WWOX: variants seen among roughly 807,000 people sequenced by gnomAD.
WWOX encodes WW domain-containing oxidoreductase.
WWOX carries 69 observed loss-of-function variants against 46.2 expected under a neutral mutation model. That is an observed-to-expected ratio of 1.49 (90% confidence interval 1.23 to 1.82). The LOEUF is 1.82. Ranked by LOEUF, WWOX falls within the 40% of genes most tolerant of loss-of-function variation. The pLI, the probability that WWOX is intolerant of heterozygous loss-of-function variation, is 0.00. For synonymous variants in WWOX, 359 were observed against 202.6 expected (o/e 1.77, Z -6.56); for missense variants, 919 against 542.6 (o/e 1.69, Z -6.89).
At chr16:79,196,885 C>A (rs1280526343) in intron 8 of WWOX, among the ~76,000 whole-genome samples, 1 of 152,160 alleles carries the variant, frequency 6.6e-6, no homozygotes, top group African/African-American at 2.4e-5. Context: ...TGAATCCTGG[C>A]AATGCATTTC....
rs115493908 is a variant in WWOX at position 78,382,389 on chromosome 16, C to G, written c.517-4471C>G. On this transcript the variant is annotated intron_variant, in intron 5 of 8. Coordinates refer to ENST00000566780, the MANE Select transcript of WWOX (RefSeq NM_016373.4). ...GGCAGTGTTACAGACAACAGAGGCT[C>G]CATCCACCTGGTCCCTGAGTGGCCA... is the stretch of plus-strand genomic sequence containing the variant. Among the ~76,000 whole-genome samples the G allele has an allele frequency of 2.6e-3, 392 of 152,310 alleles. 2 individuals are homozygous for G. Among genetic ancestry groups the G allele is most frequent in the African/African-American group, 9.1e-3 (379 of 41,566 alleles).
chr16:78,785,067 G>T (rs1053970490), intron 8 of WWOX, among the ~76,000 whole-genome samples: 1 of 152,062 alleles, frequency 6.6e-6, no homozygotes, highest in Non-Finnish European at 1.5e-5. Context: ...CTAAAGACTT[G>T]GGCAGTCTCC....
At chr16:78,518,246 T>G (rs2043279586) in intron 8 of WWOX, among the ~76,000 whole-genome samples, 1 of 152,146 alleles carries the variant, frequency 6.6e-6, no homozygotes, top group African/African-American at 2.4e-5. Context: ...TTTGTTTGTT[T>G]TTTGAGATGG....
Position 78,969,269 on chromosome 16 carries a change from C to CTT in WWOX, c.1057-242327_1057-242326dup, listed in dbSNP as rs71384387. On this transcript the variant is annotated intron_variant, in intron 8 of 8. Transcript: ENST00000566780. ...GCCACCCTGCTCTCTCTCTCTCTCT[C>CTT]TTTTTTTTTTTTTCTTTTTGAGGAA... 2.3e-3 allele frequency among the ~76,000 whole-genome samples: 326 copies of CTT among 142,604 alleles called. 2 individuals carry two copies. The highest frequency in any genetic ancestry group is 9.6e-3 in the East Asian group (47 of 4,920). 93.6% of individuals were successfully genotyped at this position (142,604 alleles called of 152,430 possible).
intron 5 of WWOX, among the ~76,000 whole-genome samples, chr16:78,236,304 T>C (rs984762611): frequency 6.6e-6 from 1 of 152,250 alleles, no homozygotes; most frequent in African/African-American, 2.4e-5. Flanking sequence ...GCTAGTTTCC[T>C]GGCCTCCTTA....
chr16:78,121,324 G>A lies in WWOX; in HGVS notation c.409+6170G>A, dbSNP rs374014823. Among the ~76,000 whole-genome samples the A allele has an allele frequency of 3.9e-5, 6 of 152,260 alleles. No homozygotes were observed. The East Asian group carries it at 7.7e-4, about 20-fold the overall frequency. On this transcript the variant is annotated intron_variant, in intron 4 of 8. Transcript: ENST00000566780. ...CAGGTATTGTAAGTAAAATTATTTT[G>A]AAGTTACTTTGTTCTAAGAAACTAT... is the stretch of plus-strand genomic sequence containing the variant.
At chr16:78,660,644 G>C (rs1181898620) in intron 8 of WWOX, among the ~76,000 whole-genome samples, 3 of 152,042 alleles carry the variant, frequency 2.0e-5, no homozygotes, top group Non-Finnish European at 4.4e-5. Context: ...CCCATCAAAG[G>C]AATAGAAGCT....
chr16:78,932,000 T>C (rs1244063789), intron 8 of WWOX, among the ~76,000 whole-genome samples: 2 of 152,218 alleles, frequency 1.3e-5, no homozygotes, highest in African/African-American at 4.8e-5. Flanking sequence ...ATTTAAGACA[T>C]GTGTTTGCTC....
intron 8 of WWOX, among the ~76,000 whole-genome samples, chr16:78,598,328 C>T (rs940495199): frequency 3.9e-5 from 6 of 152,088 alleles, no homozygotes; most frequent in Non-Finnish European, 4.4e-5. Flanking sequence ...CTGTCTGTCA[C>T]GTGGGAGGAT....
At chr16:78,425,265 T>C (rs2083050608) in intron 7 of WWOX, among the ~76,000 whole-genome samples, 1 of 152,152 alleles carries the variant, frequency 6.6e-6, no homozygotes, top group African/African-American at 2.4e-5. Flanking sequence ...CAAGGAAGAT[T>C]GTTTTTACGA....
At chr16:78,804,799 C>G (rs2050986353) in intron 8 of WWOX, among the ~76,000 whole-genome samples, 1 of 151,932 alleles carries the variant, frequency 6.6e-6, no homozygotes, top group Non-Finnish European at 1.5e-5. Flanking sequence ...TCACAGCCAT[C>G]AATAGAAAAG....
At chr16:78,665,188 C>T (rs1368997803) in intron 8 of WWOX, among the ~76,000 whole-genome samples, 1 of 152,074 alleles carries the variant, frequency 6.6e-6, no homozygotes, top group Non-Finnish European at 1.5e-5. Flanking sequence ...TGATGACGGG[C>T]AACAGATTTC....
chr16:78,415,147 T>C (rs2082769374), intron 6 of WWOX, among the ~76,000 whole-genome samples: 1 of 150,636 alleles, frequency 6.6e-6, no homozygotes, highest in Non-Finnish European at 1.5e-5. Flanking sequence ...AAGGGGTAGA[T>C]TACTCATGAG....
At chr16:78,609,537 T>A (rs1429220493) in intron 8 of WWOX, among the ~76,000 whole-genome samples, 2 of 151,974 alleles carry the variant, frequency 1.3e-5, no homozygotes, top group East Asian at 3.9e-4. Flanking sequence ...TTTCTTTCTT[T>A]CTTTTCTTTT....
At chr16:78,308,956 C>G (rs1190423537) in intron 5 of WWOX, among the ~76,000 whole-genome samples, 1 of 152,112 alleles carries the variant, frequency 6.6e-6, no homozygotes, top group African/African-American at 2.4e-5. Context: ...CTAATAACTC[C>G]TTTAACCAAT....
At chr16:78,554,063 G>C (rs1239688547) in intron 8 of WWOX, among the ~76,000 whole-genome samples, 1 of 152,128 alleles carries the variant, frequency 6.6e-6, no homozygotes, top group African/African-American at 2.4e-5. Flanking sequence ...CAGATACTTT[G>C]AGTGCAGTAC....
At chr16:78,327,431 C>T (rs974151644) in intron 5 of WWOX, among the ~76,000 whole-genome samples, 1 of 152,106 alleles carries the variant, frequency 6.6e-6, no homozygotes, top group Non-Finnish European at 1.5e-5. Context: ...CCAGTACCCT[C>T]AGTGTGGAAG....
At chr16:78,815,606 G>A (rs74031954) in intron 8 of WWOX, among the ~76,000 whole-genome samples, 2,174 of 152,228 alleles carry the variant, frequency 0.014, 56 homozygotes, top group African/African-American at 0.05. Context: ...CATTTATGGG[G>A]GCAGAGGGAG....
intron 8 of WWOX, among the ~76,000 whole-genome samples, chr16:78,472,406 C>G (rs1198681540): frequency 6.6e-6 from 1 of 152,140 alleles, no homozygotes; most frequent in African/African-American, 2.4e-5. Flanking sequence ...TAAAGGAAGA[C>G]ATTTAGAAAA....
Sources: gnomAD v4.1 joint callset for allele counts (sites outside exome capture counted in the v4.1 genomes callset) on GRCh38, gnomAD v4.1.1 for gene constraint, MANE v1.5 for transcripts, NCBI Gene and HGNC (gene_info 2026-07-23, HGNC 2026-07-21) for gene names.